Variants in ARNT observed in about 807,000 individuals in gnomAD.
The protein encoded by ARNT is aryl hydrocarbon receptor nuclear translocator, also known as class E basic helix-loop-helix protein 2.
ARNT carries 30 observed loss-of-function variants against 105.0 expected under a neutral mutation model. The observed-to-expected ratio is 0.29, with a 90% CI of 0.21 to 0.39. The LOEUF (loss-of-function observed/expected upper bound fraction) is 0.39. ARNT is among the 10% of genes least tolerant of loss of function. The pLI is 1.00. For synonymous variants in ARNT, 304 were observed against 344.0 expected (o/e 0.88, Z 1.29); for missense variants, 748 against 978.7 (o/e 0.76, Z 3.15).
intron 1 of ARNT, among the ~76,000 whole-genome samples, chr1:150,871,464 C>A (rs894459956): frequency 4.6e-4 from 69 of 150,692 alleles, no homozygotes; most frequent in African/African-American, 1.7e-3. Context: ...CCATGCCTGG[C>A]TAATTTTTGT....
chr1:150,876,162 C>A (rs1668210068), intron 1 of ARNT, among the ~76,000 whole-genome samples: 1 of 152,210 alleles, frequency 6.6e-6, no homozygotes, highest in Admixed American at 6.5e-5. Context: ...TAAAGTAAAC[C>A]GAGACACTCT....
intron 6 of ARNT, among the ~76,000 whole-genome samples, chr1:150,838,664 TTTC>T (rs944332066): frequency 1.3e-4 from 20 of 152,206 alleles, no homozygotes; most frequent in African/African-American, 4.8e-4. Context: ...AGTAAATTTT[TTTC>T]TTCCTTATAC....
intron 3 of ARNT, among the ~76,000 whole-genome samples, chr1:150,850,733 C>G (rs1270450938): frequency 6.6e-6 from 1 of 152,158 alleles, no homozygotes; most frequent in Non-Finnish European, 1.5e-5. Context: ...GCATCTCTGC[C>G]TGGCCGCCCA....
At position 150,816,298 on chromosome 1, in the gene ARNT, T is replaced by C; in HGVS notation, c.1911A>G (p.Pro637=). The C allele has an allele frequency of 6.2e-7, 1 of 1,607,574 alleles. No individual in the cohort carries two copies. Among genetic ancestry groups the C allele is most frequent in the Admixed American group, 1.7e-5 (1 of 57,828 alleles). ...CTGAGCGGGTAGTAGGGGTCCAAGTTGGGGTTGCTCCTTGGGTGGGGTTGG... is the reference window on the plus strand; with the variant it reads ...CTGAGCGGGTAGTAGGGGTCCAAGTCGGGGTTGCTCCTTGGGTGGGGTTGG... ...RHSNPTQGAT[P]TWTPTTRSGF... is the part of the protein sequence containing the mutation. Residue 637 remains proline (P), a synonymous_variant, in exon 19 of 22, where the codon CCA becomes CCG. Coordinates refer to ENST00000358595, the MANE Select transcript of ARNT (RefSeq NM_001668.4).
intron 1 of ARNT, among the ~76,000 whole-genome samples, chr1:150,860,020 G>C (rs1052774361): frequency 6.6e-6 from 1 of 151,024 alleles, no homozygotes; most frequent in African/African-American, 2.4e-5. Context: ...AAAAAAAAAG[G>C]GTGCATTTTT....
At chr1:150,842,341 G>T in intron 5 of ARNT, 83 bp downstream of exon 5, 1 of 1,543,958 alleles carries the variant, frequency 6.5e-7, no homozygotes, top group South Asian at 1.2e-5. Context: ...CAAAGAGAAA[G>T]GGGAAGAAAA....
intron 1 of ARNT, among the ~76,000 whole-genome samples, chr1:150,859,205 C>T (rs965714175): frequency 1.3e-5 from 2 of 152,068 alleles, no homozygotes; most frequent in African/African-American, 2.4e-5. Context: ...CACCTAAATT[C>T]CAATACTTAA....
At chr1:150,833,023 AT>A in intron 8 of ARNT, among the ~76,000 whole-genome samples, 1 of 152,356 alleles carries the variant, frequency 6.6e-6, no homozygotes, top group South Asian at 2.1e-4. Context: ...ACATATATTA[AT>A]TCATCTAATC....
intron 21 of ARNT, 151 bp downstream of exon 21, chr1:150,813,021 A>T: frequency 2.3e-6 from 2 of 859,000 alleles, no homozygotes; most frequent in Non-Finnish European, 3.6e-6. Context: ...TCAATAACTG[A>T]CAGTGATCCC....
At chr1:150,844,983 T>C (rs1197064158) in intron 4 of ARNT, among the ~76,000 whole-genome samples, 1 of 152,082 alleles carries the variant, frequency 6.6e-6, no homozygotes, top group African/African-American at 2.4e-5. Context: ...CTAATTTTTA[T>C]ATTTTTAGTA....
rs958231424 is a variant in ARNT at position 150,813,946 on chromosome 1, T to C, written c.2113+131A>G. The C allele has an allele frequency of 5.5e-6, 7 of 1,269,410 alleles. No individual in the cohort carries two copies. In the South Asian group the frequency reaches 5.7e-5, roughly 10 times the overall value. 78.6% of individuals were successfully genotyped at this position (1,269,410 alleles called of 1,614,324 possible). A position where few individuals can be genotyped will look rare whatever the true frequency, so the allele number is the denominator to read the frequency against. ...CAGCTGGTAGGTTTTAAATTCTAAA[T>C]AGATTGTCACCTTGCATTTCCCTAC... On this transcript the variant is annotated intron_variant, in intron 20 of 21. Transcript: ENST00000358595.
chr1:150,837,763 A>G (rs141021749), intron 6 of ARNT, among the ~76,000 whole-genome samples: 1 of 152,176 alleles, frequency 6.6e-6, no homozygotes, highest in South Asian at 2.1e-4. Context: ...CTGAGCTTTC[A>G]GCAGACTTGA....
intron 10 of ARNT, chr1:150,831,374 G>A (rs1352243701): frequency 6.5e-6 from 1 of 153,084 alleles, no homozygotes. Context: ...TTCTGGTAAA[G>A]CTAATCTGCT....
chr1:150,835,186 C>T (rs1298013531), intron 7 of ARNT, among the ~76,000 whole-genome samples: 1 of 145,786 alleles, frequency 6.9e-6, no homozygotes, highest in African/African-American at 2.5e-5. Context: ...AAGAAAAAAA[C>T]CAAGTAATTT....
At chr1:150,822,069 A>G (rs1657221812) in intron 14 of ARNT, among the ~76,000 whole-genome samples, 1 of 151,996 alleles carries the variant, frequency 6.6e-6, no homozygotes, top group African/African-American at 2.4e-5. Context: ...ATTTATATAT[A>G]TTTAATACAT....
chr1:150,869,544 C>CT (rs869055633), intron 1 of ARNT, among the ~76,000 whole-genome samples: 388 of 141,102 alleles, frequency 2.7e-3, no homozygotes, highest in Non-Finnish European at 2.9e-3. Context: ...GAAACTACTC[C>CT]TTTTTTTTTT....
intron 2 of ARNT, among the ~76,000 whole-genome samples, chr1:150,856,090 T>C (rs1664553989): frequency 6.6e-6 from 1 of 152,312 alleles, no homozygotes; most frequent in African/African-American, 2.4e-5. Flanking sequence ...AACATGGTAG[T>C]AGATTTTGGC....
chr1:150,863,758 A>C (rs1299652849), intron 1 of ARNT, among the ~76,000 whole-genome samples: 1 of 151,756 alleles, frequency 6.6e-6, no homozygotes, highest in African/African-American at 2.4e-5. Flanking sequence ...CAGAGGTTGC[A>C]GTGAGCCAAT....
chr1:150,873,311 A>AC lies in ARNT; in HGVS notation c.25+3231_25+3232insG, dbSNP rs923208746. 4.6e-5 allele frequency among the ~76,000 whole-genome samples: 7 copies of AC among 151,664 alleles called. No homozygotes were observed. In the South Asian group the frequency reaches 1.0e-3, roughly 22 times the overall value. On this transcript the variant is annotated intron_variant, in intron 1 of 21. Transcript: ENST00000358595. ...CTCAAAACAAACAAACAAACAAAAAAAAAACAAAACAAAACTTGTCTAGTC... is the reference window on the plus strand; with the variant it reads ...CTCAAAACAAACAAACAAACAAAAAACAAAACAAAACAAAACTTGTCTAGTC...
Sources: gnomAD v4.1 joint callset for allele counts (sites outside exome capture counted in the v4.1 genomes callset) on GRCh38, gnomAD v4.1.1 for gene constraint, MANE v1.5 for transcripts, NCBI Gene and HGNC (gene_info 2026-07-23, HGNC 2026-07-21) for gene names.